NXPE2: variants seen among roughly 807,000 people sequenced by gnomAD.
NXPE2 encodes the protein neurexophilin and PC-esterase domain family member 2, also known as NXPE family member 2.
Under a neutral mutation model 34.4 loss-of-function variants are expected in NXPE2, and 34 were observed. The observed-to-expected ratio is 0.99, with a 90% CI of 0.75 to 1.31. The LOEUF (loss-of-function observed/expected upper bound fraction) is 1.31. Ranked by LOEUF, NXPE2 falls within the 40% of genes most tolerant of loss-of-function variation. NXPE2 has a pLI of 0.00. For missense variants in NXPE2, 649 were observed against 672.5 expected (o/e 0.97, Z 0.39); for synonymous variants, 235 against 231.3 (o/e 1.02, Z -0.15).
chr11:114,809,313 T>C, the NXPE2 span, among the ~76,000 whole-genome samples: 12 of 151,886 alleles, frequency 7.9e-5, no homozygotes, highest in South Asian at 2.1e-4. Flanking sequence ...TCACCACTCC[T>C]ATTCAACATA....
At chr11:114,546,822 GCAAA>G in the NXPE2 span, among the ~76,000 whole-genome samples, 2 of 152,068 alleles carry the variant, frequency 1.3e-5, no homozygotes, top group East Asian at 1.9e-4. Flanking sequence ...CTCAAAAGAA[GCAAA>G]CAAACAAAGG....
the NXPE2 span, among the ~76,000 whole-genome samples, chr11:114,783,879 A>G: frequency 2.0e-5 from 3 of 152,186 alleles, no homozygotes; most frequent in African/African-American, 7.2e-5. Flanking sequence ...GGTGTAGTGG[A>G]AAGAATGCTC....
chr11:114,799,664 G>T, the NXPE2 span, among the ~76,000 whole-genome samples: 1 of 152,204 alleles, frequency 6.6e-6, no homozygotes, highest in Admixed American at 6.5e-5. Context: ...TGAGGCAGAA[G>T]GGGGAGAGCA....
the NXPE2 span, among the ~76,000 whole-genome samples, chr11:114,752,935 G>C: frequency 2.4e-4 from 37 of 152,328 alleles, no homozygotes; most frequent in East Asian, 4.6e-3. Flanking sequence ...AGAGGTAAGA[G>C]AAGAGGTCAT....
chr11:114,645,162 C>T, the NXPE2 span, among the ~76,000 whole-genome samples: 1 of 151,958 alleles, frequency 6.6e-6, no homozygotes, highest in South Asian at 2.1e-4. Context: ...ATTAGCTGGG[C>T]GTGATGGCGT....
chr11:114,744,898 G>A, the NXPE2 span, among the ~76,000 whole-genome samples: 2 of 152,012 alleles, frequency 1.3e-5, no homozygotes, highest in South Asian at 4.2e-4. Flanking sequence ...TATGAAAGCT[G>A]TTCATTTTGT....
the NXPE2 span, among the ~76,000 whole-genome samples, chr11:114,506,784 AG>A: frequency 1.3e-5 from 2 of 152,326 alleles, no homozygotes; most frequent in Admixed American, 1.3e-4. Flanking sequence ...AAAGTTAGAT[AG>A]GTCTCAAATT....
chr11:114,698,715 A>C lies in NXPE2; in HGVS notation c.803A>C (p.His268Pro). ...CATATGCCCTGTGAGGCCTTGACCC[A>C]CATGACCACTAGGACAAGAAATATT... ...PQHMPCEALT[H>P]MTTRTRNISY... Residue 268 changes from histidine to proline, a missense_variant, in exon 3 of 6, where the codon CAC becomes CCC. Transcript: ENST00000389586. 1 of 1,613,014 alleles carries C rather than the reference A, an allele frequency of 6.2e-7. No individual in the cohort carries two copies. The highest frequency in any genetic ancestry group is 8.5e-7 in the Non-Finnish European group (1 of 1,179,506).
At chr11:114,593,089 G>A in the NXPE2 span, among the ~76,000 whole-genome samples, 1 of 152,030 alleles carries the variant, frequency 6.6e-6, no homozygotes, top group African/African-American at 2.4e-5. Flanking sequence ...GAAAACCTAG[G>A]GAATACTGTT....
At chr11:114,704,153 A>C in intron 4 of NXPE2, 101 bp downstream of exon 4, 3 of 841,724 alleles carry the variant, frequency 3.6e-6, no homozygotes, top group Non-Finnish European at 3.8e-6. Flanking sequence ...TTGATCTCTC[A>C]TTTCCTGGGA....
Position 114,679,644 on chromosome 11 carries a change from T to C in NXPE2, c.27-13T>C. On this transcript the variant is annotated splice_polypyrimidine_tract_variant and intron_variant, in intron 1 of 5. Transcript: ENST00000389586. ...TGATTTAATGTGATTATTTCTCCTG[T>C]CCTTTCTTATAGGATACTCACTTTG... 1.3e-6 allele frequency: 2 copies of C among 1,482,018 alleles called. No individual in the cohort carries two copies. The allele number at this position is 1,482,018 out of a possible 1,614,324, so 91.8% of individuals were successfully genotyped here. A position where few individuals can be genotyped will look rare whatever the true frequency, so the allele number is the denominator to read the frequency against.
At chr11:114,704,120 G>T in intron 4 of NXPE2, 68 bp downstream of exon 4, 1 of 1,136,820 alleles carries the variant, frequency 8.8e-7, no homozygotes, top group Non-Finnish European at 1.3e-6. Flanking sequence ...CTTACTTAGA[G>T]ATATTTATTC....
chr11:114,765,518 C>CA, the NXPE2 span, among the ~76,000 whole-genome samples: 3 of 151,434 alleles, frequency 2.0e-5, no homozygotes, highest in Admixed American at 6.6e-5. Context: ...ACTGGGAAAC[C>CA]AAAAAAAAGT....
At chr11:114,689,636 T>C (rs1228531219) in intron 2 of NXPE2, among the ~76,000 whole-genome samples, 1 of 152,088 alleles carries the variant, frequency 6.6e-6, no homozygotes, top group Non-Finnish European at 1.5e-5. Context: ...CGAGAATTTC[T>C]TTGTTTCTTT....
intron 3 of NXPE2, among the ~76,000 whole-genome samples, chr11:114,701,773 C>T (rs112672898): frequency 2.0e-5 from 3 of 152,280 alleles, no homozygotes; most frequent in African/African-American, 7.2e-5. Context: ...CTTGAACAAC[C>T]CAGATTTGAA....
the NXPE2 span, among the ~76,000 whole-genome samples, chr11:114,598,670 T>A: frequency 1.1e-4 from 16 of 151,768 alleles, no homozygotes; most frequent in Admixed American, 8.5e-4. Flanking sequence ...TGGGCCTCTT[T>A]GAGCCATGGC....
chr11:114,562,165 T>C, the NXPE2 span, among the ~76,000 whole-genome samples: 1 of 152,226 alleles, frequency 6.6e-6, no homozygotes, highest in Non-Finnish European at 1.5e-5. Context: ...TTCAAATGAT[T>C]GGTAATTTTT....
the NXPE2 span, among the ~76,000 whole-genome samples, chr11:114,547,975 A>T: frequency 6.6e-6 from 1 of 152,170 alleles, no homozygotes; most frequent in Non-Finnish European, 1.5e-5. Flanking sequence ...ACCTAAAGTA[A>T]AAAGTTTATT....
chr11:114,673,345 T>C, the NXPE2 span, among the ~76,000 whole-genome samples: 1 of 151,414 alleles, frequency 6.6e-6, no homozygotes, highest in African/African-American at 2.4e-5. Flanking sequence ...AGATGGAAAT[T>C]TGTGGCTGTT....
Sources: gnomAD v4.1 joint callset for allele counts (sites outside exome capture counted in the v4.1 genomes callset) on GRCh38, gnomAD v4.1.1 for gene constraint, MANE v1.5 for transcripts, NCBI Gene and HGNC (gene_info 2026-07-23, HGNC 2026-07-21) for gene names.